Variants in SEMA6D observed in about 807,000 individuals in gnomAD.
SEMA6D encodes the protein semaphorin-6D.
SEMA6D carries 35 observed loss-of-function variants against 106.6 expected under a neutral mutation model. The observed-to-expected ratio is 0.33, with a 90% CI of 0.25 to 0.44. The LOEUF (loss-of-function observed/expected upper bound fraction) is 0.44, where lower values mean the gene tolerates loss of function less well. SEMA6D is among the 20% of genes least tolerant of loss of function. The pLI, the probability that SEMA6D is intolerant of heterozygous loss-of-function variation, is 1.00. For missense variants in SEMA6D, 1,185 were observed against 1,345.9 expected (o/e 0.88, Z 1.87); for synonymous variants, 499 against 487.7 (o/e 1.02, Z -0.31).
rs1015863098 is a variant in SEMA6D, at chr15:47,771,899, G to A, written c.*114G>A. ...GCTTGTATTTTAAGAGAACCAAGTG[G>A]CCAAAGAAACTCTTTCTAACTTTGG... On this transcript the variant is annotated 3_prime_UTR_variant, in exon 19 of 19. Transcript: ENST00000536845. 2.6e-6 allele frequency: 3 copies of A among 1,158,046 alleles called. No individual in the cohort carries two copies. The African/African-American group carries it at 4.6e-5, about 18-fold the overall frequency. The allele number at this position is 1,158,046 out of a possible 1,614,324, so 71.7% of individuals were successfully genotyped here. A position where few individuals can be genotyped will look rare whatever the true frequency, so the allele number is the denominator to read the frequency against.
At chr15:47,619,274 G>A (rs982125723) in intron 4 of SEMA6D, among the ~76,000 whole-genome samples, 3 of 152,210 alleles carry the variant, frequency 2.0e-5, no homozygotes, top group Non-Finnish European at 4.4e-5. Flanking sequence ...GTTGAGTGGT[G>A]GAGGAGAGCA....
intron 2 of SEMA6D, among the ~76,000 whole-genome samples, chr15:47,415,052 T>G: frequency 6.6e-6 from 1 of 152,172 alleles, no homozygotes; most frequent in East Asian, 1.9e-4. Context: ...ACACAGAATT[T>G]AGTATTGCTA....
At chr15:47,500,951 G>C (rs942922246) in intron 3 of SEMA6D, among the ~76,000 whole-genome samples, 2 of 152,080 alleles carry the variant, frequency 1.3e-5, no homozygotes, top group Admixed American at 1.3e-4. Context: ...TTCTTCACCT[G>C]TGAAACAGGT....
intron 3 of SEMA6D, among the ~76,000 whole-genome samples, chr15:47,507,565 A>G (rs982389895): frequency 1.3e-5 from 2 of 152,154 alleles, no homozygotes; most frequent in Non-Finnish European, 2.9e-5. Context: ...AGAAAACAGT[A>G]ATAGCCCAGA....
intron 3 of SEMA6D, among the ~76,000 whole-genome samples, chr15:47,504,484 G>A (rs1485757133): frequency 2.7e-5 from 4 of 149,548 alleles, no homozygotes; most frequent in Admixed American, 2.1e-4. Flanking sequence ...TATTATGGTT[G>A]ATGCTCTGAT....
At chr15:47,392,169 A>G (rs1567047391) in intron 1 of SEMA6D, among the ~76,000 whole-genome samples, 1 of 152,206 alleles carries the variant, frequency 6.6e-6, no homozygotes, top group Non-Finnish European at 1.5e-5. Flanking sequence ...GATCTGAATG[A>G]CAGTTTTCTC....
chr15:47,695,417 G>C (rs946750886), intron 4 of SEMA6D, among the ~76,000 whole-genome samples: 3 of 152,094 alleles, frequency 2.0e-5, no homozygotes, highest in African/African-American at 4.8e-5. Flanking sequence ...AGCTGGAAGA[G>C]ATTTGGTGCT....
chr15:47,616,608 C>G (rs774113259), intron 4 of SEMA6D, among the ~76,000 whole-genome samples: 2 of 149,688 alleles, frequency 1.3e-5, no homozygotes, highest in Non-Finnish European at 3.0e-5. Flanking sequence ...TGATCCTAGA[C>G]AAGGTATTGT....
At chr15:47,510,946 A>G (rs2044209988) in intron 3 of SEMA6D, among the ~76,000 whole-genome samples, 1 of 152,232 alleles carries the variant, frequency 6.6e-6, no homozygotes, top group South Asian at 2.1e-4. Context: ...TTAATGTGAT[A>G]TTAATACCTT....
At chr15:47,426,763 TAGAA>T (rs2041352884) in intron 2 of SEMA6D, among the ~76,000 whole-genome samples, 1 of 152,154 alleles carries the variant, frequency 6.6e-6, no homozygotes, top group African/African-American at 2.4e-5. Context: ...AGCCCAATGC[TAGAA>T]AGGACTAGTT....
chr15:47,259,946 A>G (rs1163927006), intron 1 of SEMA6D, among the ~76,000 whole-genome samples: 1 of 149,414 alleles, frequency 6.7e-6, no homozygotes, highest in Non-Finnish European at 1.5e-5. Flanking sequence ...TCTGTCCTCA[A>G]GTTCATTGAT....
rs575077738 is a variant in SEMA6D at position 47,743,486 on chromosome 15, A to C, written c.-54-16259A>C. On this transcript the variant is annotated intron_variant, in intron 1 of 18. Transcript: ENST00000536845. ...CACTTTTTTGGGAGTTTATTTGCAG[A>C]CGTAAAAGGCAGTTCCTGAACTCAA... Among the ~76,000 whole-genome samples the C allele has an allele frequency of 3.9e-5, 6 of 152,250 alleles. No homozygotes were observed. In the South Asian group the frequency reaches 1.2e-3, roughly 32 times the overall value.
At position 47,638,513 on chromosome 15, in the gene SEMA6D, AT is replaced by A. The variant is rs534571438; in HGVS notation, c.-55+37624del. Among the ~76,000 whole-genome samples the A allele has an allele frequency of 2.0e-4, 30 of 152,258 alleles. No individual in the cohort carries two copies. The South Asian group carries it at 3.1e-3, about 16-fold the overall frequency. ...CAAATGTGTATGAATCATTTATATG[AT>A]TTTTTTCTCTTGAACAATGTTTGAC... On this transcript the variant is annotated intron_variant, in intron 4 of 19. Coordinates refer to the SEMA6D transcript ENST00000558014.
At chr15:47,655,192 A>T (rs1036096074) in intron 4 of SEMA6D, among the ~76,000 whole-genome samples, 1 of 152,214 alleles carries the variant, frequency 6.6e-6, no homozygotes, top group African/African-American at 2.4e-5. Context: ...ACATCCTGCA[A>T]TTCAATGGAT....
chr15:47,744,063 C>G (rs771811939), intron 1 of SEMA6D, among the ~76,000 whole-genome samples: 1 of 151,982 alleles, frequency 6.6e-6, no homozygotes, highest in Non-Finnish European at 1.5e-5. Context: ...AAATATTTAC[C>G]AAGTAGATAG....
intron 2 of SEMA6D, among the ~76,000 whole-genome samples, chr15:47,436,169 C>G (rs933354324): frequency 6.6e-6 from 1 of 152,048 alleles, no homozygotes; most frequent in Non-Finnish European, 1.5e-5. Flanking sequence ...GCAGGTGGAT[C>G]ACCTGAGGTC....
chr15:47,641,908 C>T (rs1197493354), intron 4 of SEMA6D, among the ~76,000 whole-genome samples: 1 of 152,130 alleles, frequency 6.6e-6, no homozygotes, highest in African/African-American at 2.4e-5. Context: ...GGAGAGCTCT[C>T]TGGATGTGCC....
At chr15:47,710,545 A>C (rs940158461) in intron 4 of SEMA6D, among the ~76,000 whole-genome samples, 1 of 152,224 alleles carries the variant, frequency 6.6e-6, no homozygotes, top group African/African-American at 2.4e-5. Flanking sequence ...AAAAGAATTC[A>C]TAACGCCTTA....
chr15:47,476,346 A>T (rs60893875), intron 3 of SEMA6D, among the ~76,000 whole-genome samples: 15,529 of 152,212 alleles, frequency 0.1, 2,326 homozygotes, highest in African/African-American at 0.33. Flanking sequence ...TCTTAAAATA[A>T]AAGCTTTTAT....
Sources: allele counts gnomAD v4.1 joint callset (sites outside exome capture counted in the v4.1 genomes callset), GRCh38; gene constraint gnomAD v4.1.1; transcripts MANE v1.5; gene names NCBI Gene and HGNC (gene_info 2026-07-23, HGNC 2026-07-21).